The following CDK19 variants were observed in gnomAD, a reference collection of about 807,000 sequenced individuals.
CDK19 encodes cyclin dependent kinase 19, also known as cyclin-dependent kinase 19.
Under a neutral mutation model 68.3 loss-of-function variants are expected in CDK19, and 20 were observed. The ratio of observed to expected loss-of-function variants is 0.29; its 90% CI spans 0.21 to 0.43. CDK19 has a LOEUF of 0.43. Ranked by LOEUF, CDK19 falls within the 20% of genes least tolerant of loss-of-function variation. The probability of loss-of-function intolerance (pLI) is 1.00; values close to 1 mark genes in which losing one functional copy is unlikely to be tolerated. For missense variants in CDK19, 339 were observed against 623.5 expected, an observed-to-expected ratio of 0.54 and a Z score of 4.86; for synonymous variants, 221 against 222.8, an observed-to-expected ratio of 0.99 and a Z score of 0.07.
chr6:110,774,327 AC>A (rs1408863037), intron 1 of CDK19, among the ~76,000 whole-genome samples: 5 of 152,064 alleles, frequency 3.3e-5, no homozygotes, highest in African/African-American at 1.2e-4. Context: ...ACGTTCCAAG[AC>A]CCCCAGTAGC....
intron 1 of CDK19, among the ~76,000 whole-genome samples, chr6:110,761,337 G>C (rs1779216949): frequency 6.6e-6 from 1 of 152,166 alleles, no homozygotes; most frequent in Non-Finnish European, 1.5e-5. Context: ...ATGAGAGGTG[G>C]CTATAGTCTA....
rs1405186357 is a variant in CDK19 at position 110,610,483 on chromosome 6, T to C, written c.*4052A>G. ...GGAGATAACAGTGCATTAAGGGTTT[T>C]TTTTTTTATATAATACATACATATC... On this transcript the variant is annotated 3_prime_UTR_variant, in exon 13 of 13. Coordinates refer to ENST00000368911, the MANE Select transcript of CDK19 (RefSeq NM_015076.5). 3 of 152,524 alleles carry C rather than the reference T, an allele frequency of 2.0e-5. No homozygotes were observed. Among genetic ancestry groups the C allele is most frequent in the Non-Finnish European group, 2.9e-5 (2 of 68,016 alleles). 9.4% of individuals were successfully genotyped at this position (152,524 alleles called of 1,614,324 possible).
At chr6:110,810,731 A>G (rs1264356835) in intron 1 of CDK19, among the ~76,000 whole-genome samples, 1 of 151,852 alleles carries the variant, frequency 6.6e-6, no homozygotes, top group Non-Finnish European at 1.5e-5. Context: ...CTGAGATCGC[A>G]CAATTGCACT....
chr6:110,785,004 A>G (rs1052023259), intron 1 of CDK19, among the ~76,000 whole-genome samples: 1 of 151,630 alleles, frequency 6.6e-6, no homozygotes, highest in Non-Finnish European at 1.5e-5. Flanking sequence ...TGTGGTGATG[A>G]AATGTTCTAA....
At chr6:110,632,186 TA>T in intron 5 of CDK19, 25 bp from the exon 6 acceptor site, 3 of 1,557,378 alleles carry the variant, frequency 1.9e-6, no homozygotes, top group Non-Finnish European at 2.6e-6. Context: ...TAAATTAACA[TA>T]AAATTCAGTT....
intron 2 of CDK19, among the ~76,000 whole-genome samples, chr6:110,712,383 T>G (rs1775010879): frequency 6.6e-6 from 1 of 152,222 alleles, no homozygotes; most frequent in African/African-American, 2.4e-5. Flanking sequence ...ACCCTCAAGA[T>G]AGTCTATATG....
At position 110,613,019 on chromosome 6, in the gene CDK19, A is replaced by G. The variant is rs1778105460; in HGVS notation, c.*1516T>C. On this transcript the variant is annotated 3_prime_UTR_variant, in exon 13 of 13. Coordinates refer to ENST00000368911, the MANE Select transcript of CDK19 (RefSeq NM_015076.5). ...TAATTTGCATATACAATAATCAGCT[A>G]TTTCTTCTAGCTCAAGAAAACATTT... 1 of 152,652 alleles carries G rather than the reference A, an allele frequency of 6.6e-6. No homozygotes were observed. 9.5% of individuals were successfully genotyped at this position (152,652 alleles called of 1,614,324 possible).
chr6:110,749,693 T>C (rs969391158), intron 1 of CDK19, among the ~76,000 whole-genome samples: 5 of 152,006 alleles, frequency 3.3e-5, no homozygotes, highest in Non-Finnish European at 5.9e-5. Flanking sequence ...AACAATTCTA[T>C]AGAGAGTAGA....
At chr6:110,738,153 A>G (rs1355935163) in intron 2 of CDK19, among the ~76,000 whole-genome samples, 1 of 152,158 alleles carries the variant, frequency 6.6e-6, no homozygotes, top group Non-Finnish European at 1.5e-5. Context: ...ATTTCCACTA[A>G]TCTATACTTT....
chr6:110,770,877 C>T (rs1334653550), intron 1 of CDK19, among the ~76,000 whole-genome samples: 2 of 152,118 alleles, frequency 1.3e-5, no homozygotes, highest in African/African-American at 4.8e-5. Flanking sequence ...CATGCAAATC[C>T]GAAACCCAGC....
At chr6:110,696,660 G>A (rs916634747) in intron 2 of CDK19, among the ~76,000 whole-genome samples, 4 of 152,116 alleles carry the variant, frequency 2.6e-5, no homozygotes, top group African/African-American at 7.2e-5. Flanking sequence ...GGTGGCTCAC[G>A]TCTGTAATCC....
chr6:110,750,428 G>A (rs773160142), intron 1 of CDK19, among the ~76,000 whole-genome samples: 1 of 152,130 alleles, frequency 6.6e-6, no homozygotes, highest in Non-Finnish European at 1.5e-5. Context: ...AGGGACACCT[G>A]TGATAGTCAT....
intron 2 of CDK19, among the ~76,000 whole-genome samples, chr6:110,701,452 T>C (rs1334716698): frequency 6.7e-6 from 1 of 148,184 alleles, no homozygotes; most frequent in Non-Finnish European, 1.5e-5. Context: ...CTTGGGAAAC[T>C]GAGGCAGGAG....
chr6:110,765,865 C>T (rs1299179360), intron 1 of CDK19, among the ~76,000 whole-genome samples: 2 of 152,048 alleles, frequency 1.3e-5, no homozygotes. Context: ...CAACATCACT[C>T]ATTATCAGAG....
chr6:110,757,334 T>A (rs1263714719), intron 1 of CDK19, among the ~76,000 whole-genome samples: 1 of 152,126 alleles, frequency 6.6e-6, no homozygotes, highest in Non-Finnish European at 1.5e-5. Context: ...ATGTGGGATA[T>A]GCTAAGAAAA....
At chr6:110,801,087 G>A (rs952272949) in intron 1 of CDK19, among the ~76,000 whole-genome samples, 24 of 152,044 alleles carry the variant, frequency 1.6e-4, no homozygotes, top group African/African-American at 4.6e-4. Flanking sequence ...CCCGATAAAC[G>A]ACTTCAGTAC....
intron 2 of CDK19, among the ~76,000 whole-genome samples, chr6:110,726,424 TAA>T (rs1458102848): frequency 1.3e-5 from 2 of 152,114 alleles, no homozygotes; most frequent in Non-Finnish European, 2.9e-5. Flanking sequence ...GAATCAAATA[TAA>T]GTGTTCTTTC....
chr6:110,666,424 C>CAAAAAAA (rs57791161), intron 4 of CDK19, among the ~76,000 whole-genome samples: 5 of 47,926 alleles, frequency 1.0e-4, no homozygotes, highest in Non-Finnish European at 1.6e-4. Context: ...GACTCTGTCT[C>CAAAAAAA]AAAAAAAAAA....
chr6:110,674,349 T>C (rs1295090188), intron 2 of CDK19, among the ~76,000 whole-genome samples: 1 of 152,180 alleles, frequency 6.6e-6, no homozygotes, highest in African/African-American at 2.4e-5. Context: ...AGGAAGAATC[T>C]CACATATCTC....
Sources: allele counts gnomAD v4.1 joint callset (sites outside exome capture counted in the v4.1 genomes callset), GRCh38; gene constraint gnomAD v4.1.1; transcripts MANE v1.5; gene names NCBI Gene and HGNC (gene_info 2026-07-23, HGNC 2026-07-21).